Variants in BCAR3 observed in about 807,000 individuals in gnomAD.
The protein encoded by BCAR3 is breast cancer anti-estrogen resistance protein 3.
Under a neutral mutation model 80.1 loss-of-function variants are expected in BCAR3, and 37 were observed. The ratio of observed to expected loss-of-function variants is 0.46; its 90% CI spans 0.36 to 0.61. BCAR3 has a LOEUF of 0.61. BCAR3 is among the 20% of genes least tolerant of loss of function. BCAR3 has a pLI of 0.00. For synonymous variants in BCAR3, 389 were observed against 418.9 expected, an observed-to-expected ratio of 0.93 and a Z score of 0.87; for missense variants, 978 against 1,068.2, an observed-to-expected ratio of 0.92 and a Z score of 1.18.
chr1:93,611,467 T>TC (rs1322140942), intron 3 of BCAR3, among the ~76,000 whole-genome samples: 1 of 152,146 alleles, frequency 6.6e-6, no homozygotes, highest in African/African-American at 2.4e-5. Flanking sequence ...TCGTCTTTTT[T>TC]CCCCCAGAAA....
At chr1:93,810,322 C>T (rs1653790654) in intron 2 of BCAR3, among the ~76,000 whole-genome samples, 1 of 151,770 alleles carries the variant, frequency 6.6e-6, no homozygotes, top group African/African-American at 2.4e-5. Flanking sequence ...TTATTGTTAC[C>T]ACACACACAC....
intron 3 of BCAR3, among the ~76,000 whole-genome samples, chr1:93,689,571 T>C (rs2101962606): frequency 6.7e-6 from 1 of 149,158 alleles, no homozygotes; most frequent in South Asian, 2.1e-4. Flanking sequence ...CTGTTGATGC[T>C]GGTGATGCCC....
At chr1:93,834,727 A>G (rs193152477) in intron 2 of BCAR3, among the ~76,000 whole-genome samples, 2 of 152,112 alleles carry the variant, frequency 1.3e-5, no homozygotes, top group African/African-American at 4.8e-5. Context: ...TCCAAAATCT[A>G]TTTTCTTCCT....
At chr1:93,664,737 T>C (rs964310240) in intron 2 of BCAR3, among the ~76,000 whole-genome samples, 1 of 152,142 alleles carries the variant, frequency 6.6e-6, no homozygotes, top group African/African-American at 2.4e-5. Flanking sequence ...TCAGTCAAAT[T>C]GAATAGGGTA....
At chr1:93,766,829 A>G (rs1652167618) in intron 2 of BCAR3, among the ~76,000 whole-genome samples, 1 of 152,236 alleles carries the variant, frequency 6.6e-6, no homozygotes, top group Admixed American at 6.5e-5. Context: ...GCTTCCAAGT[A>G]ATAGAATCTG....
intron 2 of BCAR3, among the ~76,000 whole-genome samples, chr1:93,810,253 T>C (rs908098613): frequency 6.6e-6 from 1 of 151,940 alleles, no homozygotes; most frequent in African/African-American, 2.4e-5. Context: ...GTTAACAGAT[T>C]ATTTCACTTT....
chr1:93,592,133 T>G lies in BCAR3; in HGVS notation c.486+132A>C. 2 of 1,319,528 alleles carry G rather than the reference T, an allele frequency of 1.5e-6. No individual in the cohort carries two copies. The highest frequency in any genetic ancestry group is 1.5e-5 in the African/African-American group (1 of 67,726). The allele number at this position is 1,319,528 out of a possible 1,614,324, so 81.7% of individuals were successfully genotyped here. ...TAGAGAAGGGTCTAAATGAAGTCAT[T>G]TTTAGAGTATTTGTTTTTGGTTACA... On this transcript the variant is annotated intron_variant, in intron 4 of 11. Coordinates refer to ENST00000260502, the MANE Select transcript of BCAR3 (RefSeq NM_003567.4). This position sits in a 1 kb window ranked among gnomAD's most constrained non-coding sequence, Gnocchi z 4.8.
intron 2 of BCAR3, among the ~76,000 whole-genome samples, chr1:93,838,767 G>A (rs542599792): frequency 3.5e-4 from 54 of 152,246 alleles, no homozygotes; most frequent in African/African-American, 1.2e-3. Context: ...AGCAAGGAGG[G>A]CAATTTCAGC....
At chr1:93,797,375 T>C (rs1014469528) in intron 2 of BCAR3, among the ~76,000 whole-genome samples, 1 of 152,230 alleles carries the variant, frequency 6.6e-6, no homozygotes, top group Non-Finnish European at 1.5e-5. Context: ...TCTCAACTTG[T>C]CTTAATGTCC....
chr1:93,806,786 T>C (rs1653666539), intron 2 of BCAR3, among the ~76,000 whole-genome samples: 1 of 152,162 alleles, frequency 6.6e-6, no homozygotes, highest in Non-Finnish European at 1.5e-5. Flanking sequence ...CATCATATTT[T>C]GGGTTATCGT....
intron 2 of BCAR3, among the ~76,000 whole-genome samples, chr1:93,752,430 T>C (rs1159583298): frequency 6.6e-6 from 1 of 152,226 alleles, no homozygotes; most frequent in Admixed American, 6.5e-5. Flanking sequence ...ATAAAACAAA[T>C]TCCTGCCCCC....
chr1:93,661,025 C>A (rs575760755), intron 2 of BCAR3, among the ~76,000 whole-genome samples: 1 of 151,874 alleles, frequency 6.6e-6, no homozygotes, highest in Non-Finnish European at 1.5e-5. Context: ...TACAGGCACC[C>A]GCCACCATGC....
At chr1:93,770,721 T>C (rs902828878) in intron 2 of BCAR3, among the ~76,000 whole-genome samples, 2 of 152,174 alleles carry the variant, frequency 1.3e-5, no homozygotes, top group African/African-American at 4.8e-5. Flanking sequence ...GAACTAGTCA[T>C]AGGCAAGGAG....
intron 3 of BCAR3, among the ~76,000 whole-genome samples, chr1:93,609,911 C>T (rs575874855): frequency 2.0e-4 from 30 of 152,364 alleles, no homozygotes; most frequent in African/African-American, 6.3e-4. Context: ...CCCTGATCCT[C>T]GCCACTCCTG....
chr1:93,695,723 C>T (rs769230980), intron 3 of BCAR3, among the ~76,000 whole-genome samples: 1 of 152,224 alleles, frequency 6.6e-6, no homozygotes, highest in Non-Finnish European at 1.5e-5. Flanking sequence ...TGAAATTGCG[C>T]TCCCTGAGGT....
At chr1:93,622,842 A>G (rs1675355218) in intron 3 of BCAR3, among the ~76,000 whole-genome samples, 1 of 152,214 alleles carries the variant, frequency 6.6e-6, no homozygotes, top group Non-Finnish European at 1.5e-5. Context: ...TTCCTTTGCC[A>G]GTGGCTCAAA....
chr1:93,667,684 C>A, intron 2 of BCAR3, among the ~76,000 whole-genome samples: 1 of 152,216 alleles, frequency 6.6e-6, no homozygotes, highest in East Asian at 1.9e-4. Context: ...AAACAAGGCC[C>A]TATATGCTTG....
chr1:93,664,141 G>A (rs796779988), intron 2 of BCAR3, among the ~76,000 whole-genome samples: 15 of 152,186 alleles, frequency 9.9e-5, no homozygotes, highest in African/African-American at 3.1e-4. Flanking sequence ...ACTTTGAGAC[G>A]GAGTTTTGCT....
upstream of BCAR3, among the ~76,000 whole-genome samples, chr1:93,686,488 T>C (rs1050185221): frequency 1.3e-5 from 2 of 152,250 alleles, no homozygotes; most frequent in African/African-American, 4.8e-5. Flanking sequence ...AGTAACTACA[T>C]GCCAACTACT....
Sources: allele counts gnomAD v4.1 joint callset (sites outside exome capture counted in the v4.1 genomes callset), GRCh38; gene constraint gnomAD v4.1.1; non-coding constraint Gnocchi (gnomAD v3.1); transcripts MANE v1.5; gene names NCBI Gene and HGNC (gene_info 2026-07-23, HGNC 2026-07-21).